The following PRKG1 variants were observed in gnomAD, a reference collection of about 807,000 sequenced individuals.
PRKG1 encodes the protein cGMP-dependent protein kinase 1.
A neutral mutation model predicts 88.1 loss-of-function variants in PRKG1; 35 were observed. The observed-to-expected ratio is 0.40, with a 90% CI of 0.30 to 0.53. The LOEUF is 0.53. Among genes scored for constraint, PRKG1 ranks in the 20% least tolerant of loss-of-function variants. PRKG1 has a pLI of 0.59. For synonymous variants in PRKG1, 303 were observed against 292.5 expected (o/e 1.04, Z -0.37); for missense variants, 540 against 839.8 (o/e 0.64, Z 4.41).
At chr10:51,602,818 C>G (rs1838652224) in intron 3 of PRKG1, among the ~76,000 whole-genome samples, 1 of 149,668 alleles carries the variant, frequency 6.7e-6, no homozygotes, top group South Asian at 2.1e-4. Context: ...CAACTGGTGA[C>G]ATGGGTTAAA....
chr10:51,734,658 A>G (rs1837217908), intron 3 of PRKG1, among the ~76,000 whole-genome samples: 1 of 152,094 alleles, frequency 6.6e-6, no homozygotes. Context: ...CCAATTTTTC[A>G]CTAAGGGATG....
At chr10:51,186,163 G>A (rs1448159219) in intron 2 of PRKG1, among the ~76,000 whole-genome samples, 1 of 150,976 alleles carries the variant, frequency 6.6e-6, no homozygotes, top group African/African-American at 2.4e-5. Context: ...TAATTTTCTG[G>A]TTGTCTTCCA....
At chr10:51,859,313 A>G (rs1840805741) in intron 4 of PRKG1, among the ~76,000 whole-genome samples, 1 of 151,756 alleles carries the variant, frequency 6.6e-6, no homozygotes, top group African/African-American at 2.4e-5. Context: ...ACTCAGGTAA[A>G]TAGTTAAAAC....
At chr10:52,007,981 A>G (rs1202668067) in intron 5 of PRKG1, among the ~76,000 whole-genome samples, 2 of 152,158 alleles carry the variant, frequency 1.3e-5, no homozygotes, top group East Asian at 3.8e-4. Flanking sequence ...AAATCCCTCA[A>G]AATAACACAA....
At chr10:52,225,644 A>G (rs1840369376) in intron 9 of PRKG1, among the ~76,000 whole-genome samples, 1 of 152,150 alleles carries the variant, frequency 6.6e-6, no homozygotes, top group Non-Finnish European at 1.5e-5. Flanking sequence ...CCCTTAATCC[A>G]TCTTGAGTTG....
intron 5 of PRKG1, among the ~76,000 whole-genome samples, chr10:51,930,089 C>T (rs1008449358): frequency 2.0e-5 from 3 of 152,202 alleles, no homozygotes; most frequent in Non-Finnish European, 2.9e-5. Flanking sequence ...TTCCTTCCTT[C>T]TAAGGCTGAA....
In PRKG1 at chr10:52,271,482, A is replaced by G. The variant is rs766680993; in HGVS notation, c.1306A>G (p.Ile436Val). 5 of 1,612,294 alleles carry G rather than the reference A, an allele frequency of 3.1e-6. No individual in the cohort carries two copies. Among genetic ancestry groups the G allele is most frequent in the Non-Finnish European group, 3.4e-6 (4 of 1,179,012 alleles). ...CATGCAGGGGGCTCATTCCGATTTC[A>G]TAGTGAGGTAAAGGCTCCATGCCAG... ...QIMQGAHSDFIVRLYRTFKDS... is the reference protein window; with the variant it reads ...QIMQGAHSDFVVRLYRTFKDS... The change falls in exon 11 of 18, where the codon ATA becomes GTA. Residue 436 changes from isoleucine (I) to valine (V), a missense_variant. Ile to Val is a conservative substitution (Grantham distance 29, BLOSUM62 3). This residue lies in a region of PRKG1 where 400 missense variants were observed against 562.7 expected (regional missense o/e 0.71). Transcript: ENST00000373980.
intron 2 of PRKG1, among the ~76,000 whole-genome samples, chr10:51,290,269 CAAA>C (rs542738225): frequency 2.3e-3 from 357 of 152,056 alleles, no homozygotes; most frequent in Middle Eastern, 6.8e-3. Flanking sequence ...AGACGAGTAA[CAAA>C]GAATTATACA....
intron 1 of PRKG1, among the ~76,000 whole-genome samples, chr10:51,082,012 C>T (rs1476681861): frequency 6.6e-6 from 1 of 152,152 alleles, no homozygotes. Context: ...GCATCTGGGC[C>T]TCCAAAGAAA....
At chr10:52,196,762 A>G (rs1385347368) in intron 9 of PRKG1, among the ~76,000 whole-genome samples, 2 of 152,172 alleles carry the variant, frequency 1.3e-5, no homozygotes, top group African/African-American at 2.4e-5. Context: ...TATATAAATA[A>G]AACTTCCCTG....
At chr10:51,554,696 A>G (rs921592665) in intron 3 of PRKG1, among the ~76,000 whole-genome samples, 1 of 30,812 alleles carries the variant, frequency 3.2e-5, no homozygotes. Context: ...TTTTAAGGGG[A>G]AAAAAGTACA....
intron 2 of PRKG1, among the ~76,000 whole-genome samples, chr10:51,224,793 A>T (rs1838645590): frequency 6.6e-6 from 1 of 152,196 alleles, no homozygotes; most frequent in African/African-American, 2.4e-5. Flanking sequence ...CATCATGTTT[A>T]TTCTGAGAAT....
chr10:50,991,322 C>T lies in PRKG1; in HGVS notation c.-57C>T. The T allele has an allele frequency of 1.4e-6, 2 of 1,394,900 alleles. No individual in the cohort carries two copies. Among genetic ancestry groups the T allele is most frequent in the East Asian group, 5.8e-5 (2 of 34,638 alleles). 86.4% of individuals were successfully genotyped at this position (1,394,900 alleles called of 1,614,324 possible). A position where few individuals can be genotyped will look rare whatever the true frequency, so the allele number is the denominator to read the frequency against. On this transcript the variant is annotated 5_prime_UTR_variant, in exon 1 of 18. Coordinates refer to the PRKG1 transcript ENST00000401604. This position sits in a 1 kb window ranked among gnomAD's most constrained non-coding sequence, Gnocchi z 4.5. ...CGGCTGCCGTCCCAGCCGCCGCCGC[C>T]GCCGCCGCCGCCGCCGCCGCCCGAG...
intron 7 of PRKG1, among the ~76,000 whole-genome samples, chr10:52,069,567 G>A (rs571538408): frequency 6.6e-6 from 1 of 152,092 alleles, no homozygotes; most frequent in African/African-American, 2.4e-5. Context: ...TAAAATTATA[G>A]TACAGAAATT....
rs1564514309 is a variant in PRKG1 at position 51,475,752 on chromosome 10, GA to G, written c.592+7921del. Among the ~76,000 whole-genome samples, 3 of 151,534 alleles carry G rather than the reference GA, an allele frequency of 2.0e-5. No individual in the cohort carries two copies. The South Asian group carries it at 6.2e-4, about 32-fold the overall frequency. On this transcript the variant is annotated intron_variant, in intron 3 of 17. Transcript: ENST00000373980. The stretch of plus-strand genomic sequence containing the variant: ...AAAGAAGAACAGATTGAGAGGGAGG[GA>G]AAAATTAAAAAATCATGGACTGTCG...
intron 3 of PRKG1, among the ~76,000 whole-genome samples, chr10:51,716,046 G>C (rs1326586728): frequency 2.6e-5 from 4 of 152,170 alleles, no homozygotes; most frequent in Non-Finnish European, 5.9e-5. Context: ...GCATCATAAT[G>C]GTTCCATATT....
intron 3 of PRKG1, among the ~76,000 whole-genome samples, chr10:51,612,367 C>T (rs1177273739): frequency 2.0e-5 from 3 of 151,664 alleles, no homozygotes; most frequent in Non-Finnish European, 4.4e-5. Flanking sequence ...AAATGTATTC[C>T]TAGGTTTTTT....
At chr10:51,894,819 A>G (rs1440839722) in intron 4 of PRKG1, among the ~76,000 whole-genome samples, 1 of 152,218 alleles carries the variant, frequency 6.6e-6, no homozygotes, top group Non-Finnish European at 1.5e-5. Flanking sequence ...TGATATTTGT[A>G]TAGTGATTTA....
chr10:51,821,771 A>T (rs1839752450), intron 4 of PRKG1, among the ~76,000 whole-genome samples: 1 of 152,142 alleles, frequency 6.6e-6, no homozygotes, highest in African/African-American at 2.4e-5. Context: ...AAAAGATAAG[A>T]TATTAAATAG....
Sources: allele counts gnomAD v4.1 joint callset (sites outside exome capture counted in the v4.1 genomes callset), GRCh38; gene constraint gnomAD v4.1.1; regional missense constraint gnomAD v4.1.1; non-coding constraint Gnocchi (gnomAD v3.1); transcripts MANE v1.5; gene names NCBI Gene and HGNC (gene_info 2026-07-23, HGNC 2026-07-21).